OR5M8: variants seen among roughly 807,000 people sequenced by gnomAD.
OR5M8 encodes the protein olfactory receptor 5M8.
For synonymous variants in OR5M8, 163 were observed against 141.5 expected, an observed-to-expected ratio of 1.15 and a Z score of -1.08; for missense variants, 445 against 379.3, an observed-to-expected ratio of 1.17 and a Z score of -1.44.
chr11:56,491,080 A>G lies in OR5M8; in HGVS notation c.291T>C (p.Leu97=). ...AGGCGATAAAAAGGTAACACTGCAC[A>G]AGACAGGCAGGATAGGAAATGCTTT... ...EKKSISYPAC[L]VQCYLFIALV... is the part of the protein sequence containing the mutation. Residue 97 remains leucine, a synonymous_variant, in exon 1 of 1, where the codon CTT becomes CTC. Transcript: ENST00000327216. 1.2e-6 allele frequency: 2 copies of G among 1,614,232 alleles called. No individual in the cohort carries two copies. The highest frequency in any genetic ancestry group is 1.7e-6 in the Non-Finnish European group (2 of 1,180,040).
In OR5M8 at chr11:56,490,534, T is replaced by C. The variant is rs1853838104; in HGVS notation, c.837A>G (p.Thr279=). Residue 279 remains threonine, a synonymous_variant, in exon 1 of 1, where the codon ACA becomes ACG. Coordinates refer to ENST00000327216, the MANE Select transcript of OR5M8 (RefSeq NM_001005282.1). ...TTATAAGGTTCAGCATAGGGATTACTGTGGTATAAAATACAGCTACCATTT... is the reference window on the plus strand; with the variant it reads ...TTATAAGGTTCAGCATAGGGATTACCGTGGTATAAAATACAGCTACCATTT... The part of the protein sequence containing the change: ...QGKMVAVFYT[T]VIPMLNLIIY... The C allele has an allele frequency of 1.2e-6, 2 of 1,606,710 alleles. No individual in the cohort carries two copies. The highest frequency in any genetic ancestry group is 2.2e-5 in the East Asian group (1 of 44,840).
chr11:56,490,708 G>C lies in OR5M8; in HGVS notation c.663C>G (p.Phe221Leu), dbSNP rs771221040. Residue 221 changes from phenylalanine to leucine, a missense_variant, in exon 1 of 1, where the codon TTC (phenylalanine) becomes TTG (leucine). Coordinates refer to ENST00000327216, the MANE Select transcript of OR5M8 (RefSeq NM_001005282.1). ...TAGAGCGAATCTTTAAAATAGCAGG[G>C]AAAATGTAAAGGTAGGAAATACATA... ...FIICISYLYI[F>L]PAILKIRSTE... 1.2e-5 allele frequency: 20 copies of C among 1,614,114 alleles called. No individual in the cohort carries two copies. In the South Asian group the frequency reaches 2.0e-4, roughly 16 times the overall value.
chr11:56,490,533 C>A lies in OR5M8; in HGVS notation c.838G>T (p.Val280Leu), dbSNP rs764580892. Reference sequence around the variant, plus strand: ...ATTATAAGGTTCAGCATAGGGATTACTGTGGTATAAAATACAGCTACCATT... The same window carrying A: ...ATTATAAGGTTCAGCATAGGGATTAATGTGGTATAAAATACAGCTACCATT... ...GKMVAVFYTTVIPMLNLIIYS... is the reference protein window; with the variant it reads ...GKMVAVFYTTLIPMLNLIIYS... The change falls in exon 1 of 1, where the codon GTA becomes TTA. Residue 280 changes from valine (V) to leucine (L), a missense_variant. Physicochemically the swap from Val to Leu is conservative, Grantham distance 32. Transcript: ENST00000327216. 2.5e-6 allele frequency: 4 copies of A among 1,606,216 alleles called. No individual in the cohort carries two copies. In the South Asian group the frequency reaches 3.3e-5, roughly 13 times the overall value.
Position 56,490,960 on chromosome 11 carries a change from C to T in OR5M8, c.411G>A (p.Lys137=), listed in dbSNP as rs1245911490. Residue 137 remains lysine (K), a synonymous_variant, in exon 1 of 1, where the codon AAG becomes AAA. Transcript: ENST00000327216. ...NPLLYGSRMS[K]SVCSFLITVP... is the part of the protein sequence containing the mutation. ...CCGTGATGAGGAAGGAGCACACACT[C>T]TTGGACATTCTGCTGCCATAAAGCA... 2.5e-6 allele frequency: 4 copies of T among 1,613,964 alleles called. No individual in the cohort carries two copies. Among genetic ancestry groups the T allele is most frequent in the Middle Eastern group, 1.6e-4 (1 of 6,082 alleles).
rs777315851 is a variant in OR5M8 at position 56,490,612 on chromosome 11, G to A, written c.759C>T (p.Thr253=). ...HLTAVTIFYA[T]LFFMYLRPPS... is the part of the protein sequence containing the mutation. ...GGGGTCTGAGATACATGAAGAAAAGGGTTGCATAGAATATAGTGACAGCTG... is the reference window on the plus strand; with the variant it reads ...GGGGTCTGAGATACATGAAGAAAAGAGTTGCATAGAATATAGTGACAGCTG... Residue 253 remains threonine, a synonymous_variant, in exon 1 of 1, where the codon ACC becomes ACT. Transcript: ENST00000327216. 2 of 1,614,006 alleles carry A rather than the reference G, an allele frequency of 1.2e-6. No individual in the cohort carries two copies. Among genetic ancestry groups the A allele is most frequent in the South Asian group, 1.1e-5 (1 of 91,038 alleles).
chr11:56,491,150 G>T lies in OR5M8; in HGVS notation c.221C>A (p.Ser74Tyr). 6.2e-7 allele frequency: 1 copy of T among 1,614,130 alleles called. No homozygotes were observed. Among genetic ancestry groups the T allele is most frequent in the East Asian group, 2.2e-5 (1 of 44,878 alleles). ...HLSFVDLCFS[S>Y]NVTPKMLEIF... ...CTCCAGCATCTTTGGAGTCACATTG[G>T]AAGAGAAGCACAGATCCACGAAGGA... The change falls in exon 1 of 1, where the codon TCC (serine) becomes TAC (tyrosine). Residue 74 changes from serine to tyrosine, a missense_variant. Physicochemically the swap from Ser to Tyr is moderately radical, Grantham distance 144. Transcript: ENST00000327216.
rs1451030451 is a variant in OR5M8, at chr11:56,491,234, A to G, written c.137T>C (p.Val46Ala). The change falls in exon 1 of 1, where the codon GTC becomes GCC. Residue 46 changes from valine to alanine, a missense_variant. Coordinates refer to ENST00000327216, the MANE Select transcript of OR5M8 (RefSeq NM_001005282.1). The stretch of plus-strand genomic sequence containing the variant: ...GAGCCAGGCGTTGGCCTGGATGAGG[A>G]CAATCATGCCAAGGTTCCCTGCCAC... ...VTVAGNLGMI[V>A]LIQANAWLHM... 2.5e-6 allele frequency: 4 copies of G among 1,614,204 alleles called. No individual in the cohort carries two copies. The highest frequency in any genetic ancestry group is 2.2e-5 in the South Asian group (2 of 91,082).
chr11:56,491,008 C>G lies in OR5M8; in HGVS notation c.363G>C (p.Arg121=). The change falls in exon 1 of 1, where the codon CGG becomes CGC. Residue 121 remains arginine (R), a synonymous_variant. Coordinates refer to ENST00000327216, the MANE Select transcript of OR5M8 (RefSeq NM_001005282.1). ...IYILAVMAFD[R]YMAICNPLLY... ...GCAGAGGGTTGCAGATGGCCATGTA[C>G]CGGTCAAAGGCCATCACAGCCAGGA... 6.2e-7 allele frequency: 1 copy of G among 1,614,118 alleles called. No homozygotes were observed. Among genetic ancestry groups the G allele is most frequent in the Non-Finnish European group, 8.5e-7 (1 of 1,180,008 alleles).
Position 56,491,114 on chromosome 11 carries a change from GA to G in OR5M8, c.256del (p.Ser86GlnfsTer31). 6.2e-7 allele frequency: 1 copy of G among 1,614,184 alleles called. No individual in the cohort carries two copies. The highest frequency in any genetic ancestry group is 8.5e-7 in the Non-Finnish European group (1 of 1,180,010). ...VTPKMLEIFL[S>X]EKKSISYPAC... ...AGGATAGGAAATGCTTTTCTTCTCT[GA>G]AAGGAAAATCTCCAGCATCTTTGGA... is the stretch of plus-strand genomic sequence containing the variant. On this transcript the variant is annotated frameshift_variant, in exon 1 of 1. Transcript: ENST00000327216. LOFTEE classifies it low-confidence loss of function (END_TRUNC).
rs201779416 is a variant in OR5M8 at position 56,490,524 on chromosome 11, T to C, written c.847A>G (p.Met283Val). 6.2e-7 allele frequency: 1 copy of C among 1,603,026 alleles called. No individual in the cohort carries two copies. The highest frequency in any genetic ancestry group is 8.5e-7 in the Non-Finnish European group (1 of 1,169,896). The change falls in exon 1 of 1, where the codon ATG (methionine) becomes GTG (valine). Residue 283 changes from methionine (M) to valine (V), a missense_variant. Transcript: ENST00000327216. ...VAVFYTTVIPMLNLIIYSLRN... is the reference protein window; with the variant it reads ...VAVFYTTVIPVLNLIIYSLRN... The stretch of plus-strand genomic sequence containing the variant: ...AGGCTATAAATTATAAGGTTCAGCA[T>C]AGGGATTACTGTGGTATAAAATACA...
At position 56,490,677 on chromosome 11, in the gene OR5M8, C is replaced by T; in HGVS notation, c.694G>A (p.Gly232Ser). Residue 232 changes from glycine (G) to serine (S), a missense_variant, in exon 1 of 1, where the codon GGC becomes AGC. Physicochemically the swap from Gly to Ser is moderately conservative, Grantham distance 56. Coordinates refer to ENST00000327216, the MANE Select transcript of OR5M8 (RefSeq NM_001005282.1). ...CAGGTAGAAAAAGCTTTTTGCCTGC[C>T]CTCTGTAGAGCGAATCTTTAAAATA... ...PAILKIRSTE[G>S]RQKAFSTCGS... 2 of 1,613,824 alleles carry T rather than the reference C, an allele frequency of 1.2e-6. No homozygotes were observed. The highest frequency in any genetic ancestry group is 1.7e-6 in the Non-Finnish European group (2 of 1,179,916).
rs773794969 is a variant in OR5M8 at position 56,491,048 on chromosome 11, T to C, written c.323A>G (p.His108Arg). 2.0e-5 allele frequency: 32 copies of C among 1,613,872 alleles called. No homozygotes were observed. In the Admixed American group the frequency reaches 4.7e-4, roughly 24 times the overall value. Residue 108 changes from histidine to arginine, a missense_variant, in exon 1 of 1, where the codon CAT (histidine) becomes CGT (arginine). Physicochemically the swap from His to Arg is conservative, Grantham distance 29. Coordinates refer to ENST00000327216, the MANE Select transcript of OR5M8 (RefSeq NM_001005282.1). The stretch of plus-strand genomic sequence containing the variant: ...CACAGCCAGGATGTAGATCTCAACA[T>C]GGACCAAGGCGATAAAAAGGTAACA... ...VQCYLFIALV[H>R]VEIYILAVMA... is the part of the protein sequence containing the mutation.
In OR5M8 at chr11:56,491,071, A is replaced by G. The variant is rs183382371; in HGVS notation, c.300T>C (p.Cys100=). The G allele has an allele frequency of 1.9e-6, 3 of 1,614,222 alleles. No individual in the cohort carries two copies. In the African/African-American group the frequency reaches 4.0e-5, roughly 22 times the overall value. Residue 100 remains cysteine (C), a synonymous_variant, in exon 1 of 1, where the codon TGT becomes TGC. Coordinates refer to ENST00000327216, the MANE Select transcript of OR5M8 (RefSeq NM_001005282.1). The part of the protein sequence containing the change: ...SISYPACLVQ[C]YLFIALVHVE... ...CATGGACCAAGGCGATAAAAAGGTAACACTGCACAAGACAGGCAGGATAGG... is the reference window on the plus strand; with the variant it reads ...CATGGACCAAGGCGATAAAAAGGTAGCACTGCACAAGACAGGCAGGATAGG...
In OR5M8 at chr11:56,491,248, G is replaced by T. The variant is rs751791415; in HGVS notation, c.123C>A (p.Asn41Lys). ...LAIYMVTVAG[N>K]LGMIVLIQAN... ...CCTGGATGAGGACAATCATGCCAAGGTTCCCTGCCACCGTGACCATGTAAA... is the reference window on the plus strand; with the variant it reads ...CCTGGATGAGGACAATCATGCCAAGTTTCCCTGCCACCGTGACCATGTAAA... Residue 41 changes from asparagine to lysine, a missense_variant, in exon 1 of 1, where the codon AAC (asparagine) becomes AAA (lysine). Asn to Lys is a moderately conservative substitution (Grantham distance 94). Coordinates refer to ENST00000327216, the MANE Select transcript of OR5M8 (RefSeq NM_001005282.1). 3.7e-5 allele frequency: 60 copies of T among 1,614,014 alleles called. No individual in the cohort carries two copies. The highest frequency in any genetic ancestry group is 4.9e-5 in the Non-Finnish European group (58 of 1,180,008).
rs1210993512 is a variant in OR5M8, at chr11:56,490,922, T to C, written c.449A>G (p.Tyr150Cys). Residue 150 changes from tyrosine to cysteine, a missense_variant, in exon 1 of 1, where the codon TAT (tyrosine) becomes TGT (cysteine). Tyr to Cys is a radical substitution (Grantham distance 194, BLOSUM62 -2). Coordinates refer to ENST00000327216, the MANE Select transcript of OR5M8 (RefSeq NM_001005282.1). Reference sequence around the variant, plus strand: ...CTCCATCAGGCCAGTGAGCGCTCCATACACATAAGGCACCGTGATGAGGAA... The same window carrying C: ...CTCCATCAGGCCAGTGAGCGCTCCACACACATAAGGCACCGTGATGAGGAA... ...CSFLITVPYV[Y>C]GALTGLMETM... 7.4e-6 allele frequency: 12 copies of C among 1,613,834 alleles called. No homozygotes were observed. Among genetic ancestry groups the C allele is most frequent in the Middle Eastern group, 3.3e-4 (2 of 6,058 alleles).
rs1853838056 is a variant in OR5M8, at chr11:56,490,531, T to G, written c.840A>C (p.Val280=). The G allele has an allele frequency of 6.2e-7, 1 of 1,605,452 alleles. No homozygotes were observed. The highest frequency in any genetic ancestry group is 8.5e-7 in the Non-Finnish European group (1 of 1,172,256). The change falls in exon 1 of 1, where the codon GTA becomes GTC. Residue 280 remains valine (V), a synonymous_variant. Coordinates refer to ENST00000327216, the MANE Select transcript of OR5M8 (RefSeq NM_001005282.1). ...GKMVAVFYTT[V]IPMLNLIIYS... is the part of the protein sequence containing the mutation. ...AAATTATAAGGTTCAGCATAGGGAT[T>G]ACTGTGGTATAAAATACAGCTACCA...
chr11:56,491,040 T>G lies in OR5M8; in HGVS notation c.331A>C (p.Ile111Leu), dbSNP rs781444795. Reference sequence around the variant, plus strand: ...AAGGCCATCACAGCCAGGATGTAGATCTCAACATGGACCAAGGCGATAAAA... The same window carrying G: ...AAGGCCATCACAGCCAGGATGTAGAGCTCAACATGGACCAAGGCGATAAAA... ...YLFIALVHVEIYILAVMAFDR... is the reference protein window; with the variant it reads ...YLFIALVHVELYILAVMAFDR... Residue 111 changes from isoleucine to leucine, a missense_variant, in exon 1 of 1, where the codon ATC becomes CTC. Physicochemically the swap from Ile to Leu is conservative, Grantham distance 5. Coordinates refer to ENST00000327216, the MANE Select transcript of OR5M8 (RefSeq NM_001005282.1). 3.1e-5 allele frequency: 50 copies of G among 1,613,984 alleles called. No individual in the cohort carries two copies. The highest frequency in any genetic ancestry group is 5.3e-5 in the African/African-American group (4 of 74,908).
Position 56,491,236 on chromosome 11 carries a change from A to T in OR5M8, c.135T>A (p.Ile45=). 1.2e-6 allele frequency: 2 copies of T among 1,614,198 alleles called. No homozygotes were observed. Among genetic ancestry groups the T allele is most frequent in the Non-Finnish European group, 1.7e-6 (2 of 1,180,026 alleles). The part of the protein sequence containing the change: ...MVTVAGNLGM[I]VLIQANAWLH... ...GCCAGGCGTTGGCCTGGATGAGGAC[A>T]ATCATGCCAAGGTTCCCTGCCACCG... is the stretch of plus-strand genomic sequence containing the variant. The change falls in exon 1 of 1, where the codon ATT becomes ATA. Residue 45 remains isoleucine (I), a synonymous_variant. Coordinates refer to ENST00000327216, the MANE Select transcript of OR5M8 (RefSeq NM_001005282.1).
rs751630401 is a variant in OR5M8, at chr11:56,491,081, A to G, written c.290T>C (p.Leu97Pro). ...EKKSISYPAC[L>P]VQCYLFIALV... ...GGCGATAAAAAGGTAACACTGCACA[A>G]GACAGGCAGGATAGGAAATGCTTTT... The change falls in exon 1 of 1, where the codon CTT (leucine) becomes CCT (proline). Residue 97 changes from leucine to proline, a missense_variant. Leu to Pro is a moderately conservative substitution (Grantham distance 98). Coordinates refer to ENST00000327216, the MANE Select transcript of OR5M8 (RefSeq NM_001005282.1). The G allele has an allele frequency of 3.1e-6, 5 of 1,614,268 alleles. No homozygotes were observed. The highest frequency in any genetic ancestry group is 1.1e-5 in the South Asian group (1 of 91,090).
Sources: allele counts gnomAD v4.1 joint callset, GRCh38; gene constraint gnomAD v4.1.1; transcripts MANE v1.5; gene names NCBI Gene and HGNC (gene_info 2026-07-23, HGNC 2026-07-21).